WDFY3: variants seen among roughly 807,000 people sequenced by gnomAD.
The protein encoded by WDFY3 is WD repeat and FYVE domain-containing protein 3.
Under a neutral mutation model 409.6 loss-of-function variants are expected in WDFY3, and 66 were observed. The ratio of observed to expected loss-of-function variants is 0.16; its 90% confidence interval spans 0.13 to 0.20. WDFY3 has a LOEUF of 0.20. WDFY3 is among the 10% of genes least tolerant of loss of function. WDFY3 has a pLI of 1.00. For synonymous variants in WDFY3, 1,521 were observed against 1,537.1 expected, an observed-to-expected ratio of 0.99 and a Z score of 0.25; for missense variants, 3,031 against 4,298.1, an observed-to-expected ratio of 0.71 and a Z score of 8.24.
At chr4:84,679,550 GA>G (rs1726967826) in intron 64 of WDFY3, among the ~76,000 whole-genome samples, 1 of 152,104 alleles carries the variant, frequency 6.6e-6, no homozygotes, top group Admixed American at 6.6e-5. Flanking sequence ...GCTGCAGCTA[GA>G]TGGTGTCACT....
At chr4:84,687,955 A>G (rs1427440904) in intron 62 of WDFY3, 131 bp downstream of exon 62, 1 of 982,116 alleles carries the variant, frequency 1.0e-6, no homozygotes, top group African/African-American at 1.6e-5. Context: ...TCCTGGGCTC[A>G]ACTAATCCTC....
chr4:84,961,517 A>C (rs1325586617), intron 1 of WDFY3, among the ~76,000 whole-genome samples: 1 of 152,190 alleles, frequency 6.6e-6, no homozygotes, highest in African/African-American at 2.4e-5. Context: ...TAAGCATTAG[A>C]ATAATTCCCT....
chr4:84,923,776 A>T (rs964839211), intron 2 of WDFY3, among the ~76,000 whole-genome samples: 2 of 152,204 alleles, frequency 1.3e-5, no homozygotes. Flanking sequence ...AGGCAGGTGG[A>T]TCACCTGAGG....
chr4:84,678,373 T>C, intron 65 of WDFY3, 94 bp from the exon 66 acceptor site: 1 of 835,054 alleles, frequency 1.2e-6, no homozygotes, highest in Non-Finnish European at 2.0e-6. Flanking sequence ...AAACTTAGGG[T>C]ACCTCAACAT....
intron 24 of WDFY3, among the ~76,000 whole-genome samples, chr4:84,783,866 C>T (rs1289835658): frequency 6.7e-6 from 1 of 148,644 alleles, no homozygotes; most frequent in Non-Finnish European, 1.5e-5. Flanking sequence ...CATACATACA[C>T]ACACACACAC....
At chr4:84,911,345 G>A (rs1376345545) in intron 2 of WDFY3, among the ~76,000 whole-genome samples, 3 of 152,072 alleles carry the variant, frequency 2.0e-5, no homozygotes, top group Non-Finnish European at 4.4e-5. Flanking sequence ...AATATTAGCT[G>A]AGCATGTGGC....
chr4:84,836,934 C>G lies in WDFY3; in HGVS notation c.571G>C (p.Val191Leu), dbSNP rs367736064. Reference sequence around the variant, plus strand: ...GCAAATAGCACCTTTCATACCTGTACAAAAACTTTCTGGAGTAGTCCTCGA... The same window carrying G: ...GCAAATAGCACCTTTCATACCTGTAGAAAAACTTTCTGGAGTAGTCCTCGA... ...ERRGLLQKVF[V>L]QILVKLCSFV... Residue 191 changes from valine (V) to leucine (L), a missense_variant, in exon 7 of 68, where the codon GTA (valine) becomes CTA (leucine). This residue lies in a region of WDFY3 where 1,322 missense variants were observed against 1,697.9 expected (regional missense o/e 0.78). Transcript: ENST00000295888. 150 of 1,572,418 alleles carry G rather than the reference C, an allele frequency of 9.5e-5. 1 individual carries two copies. Among genetic ancestry groups the G allele is most frequent in the Non-Finnish European group, 1.2e-4 (138 of 1,159,052 alleles).
At chr4:84,909,865 T>A (rs1479704713) in intron 2 of WDFY3, among the ~76,000 whole-genome samples, 1 of 152,212 alleles carries the variant, frequency 6.6e-6, no homozygotes, top group African/African-American at 2.4e-5. Context: ...ATGAATTAAA[T>A]AACCAACAAC....
At chr4:84,860,682 A>C in intron 3 of WDFY3, 60 bp from the exon 4 acceptor site, 1 of 1,348,852 alleles carries the variant, frequency 7.4e-7, no homozygotes, top group South Asian at 1.9e-5. Flanking sequence ...TAGGTCAAGC[A>C]TGCATGTAAG....
In WDFY3 at chr4:84,787,693, A is replaced by G; in HGVS notation, c.3690T>C (p.Thr1230=). Residue 1230 remains threonine, a synonymous_variant, in exon 23 of 68, where the codon ACT becomes ACC. Transcript: ENST00000295888. ...NTVKLHYVHS[T]PGGSGSANPP... ...GATTTGCCGAACCTGAACCCCCTGG[A>G]GTACTGTGGACATAATGAAGCTGTA... is the stretch of plus-strand genomic sequence containing the variant. 2 of 1,613,578 alleles carry G rather than the reference A, an allele frequency of 1.2e-6. No homozygotes were observed. The highest frequency in any genetic ancestry group is 8.5e-7 in the Non-Finnish European group (1 of 1,179,496).
intron 38 of WDFY3, 110 bp downstream of exon 38, chr4:84,741,651 T>C: frequency 8.0e-7 from 1 of 1,254,254 alleles, no homozygotes; most frequent in Non-Finnish European, 1.1e-6. Context: ...AGCTTTTTCT[T>C]AAATGTTAAC....
intron 6 of WDFY3, among the ~76,000 whole-genome samples, chr4:84,840,343 A>C (rs185945887): frequency 3.6e-4 from 55 of 152,324 alleles, no homozygotes; most frequent in South Asian, 1.2e-3. Context: ...TATCCTAAAA[A>C]TGTCAATGTT....
chr4:84,965,794 G>C (rs1010833116), intron 1 of WDFY3: 5 of 152,442 alleles, frequency 3.3e-5, no homozygotes, highest in South Asian at 2.1e-4. Flanking sequence ...CAGCGGGGGG[G>C]GGCCAGGGCC....
intron 10 of WDFY3, 146 bp downstream of exon 10, chr4:84,826,669 A>C (rs955495976): frequency 1.7e-5 from 11 of 665,558 alleles, no homozygotes; most frequent in Non-Finnish European, 2.4e-5. Context: ...AGAAATACTT[A>C]AACCATTAAA....
At position 84,821,483 on chromosome 4, in the gene WDFY3, A is replaced by G. The variant is rs777738894; in HGVS notation, c.1192T>C (p.Phe398Leu). The G allele has an allele frequency of 1.2e-6, 2 of 1,613,868 alleles. No homozygotes were observed. Among genetic ancestry groups the G allele is most frequent in the Non-Finnish European group, 1.7e-6 (2 of 1,179,834 alleles). The stretch of plus-strand genomic sequence containing the variant: ...GCATCAAGGATGATTTGGGCAAGGA[A>G]GCTGGTTTTTGCTTTTAAAAATGCA... ...QNAFLKAKTS[F>L]LAQIILDAIT... Residue 398 changes from phenylalanine (F) to leucine (L), a missense_variant, in exon 11 of 68, where the codon TTC (phenylalanine) becomes CTC (leucine). Phe to Leu is a conservative substitution (Grantham distance 22). This residue lies in a region of WDFY3 where 1,322 missense variants were observed against 1,697.9 expected (regional missense o/e 0.78). Transcript: ENST00000295888.
intron 3 of WDFY3, among the ~76,000 whole-genome samples, chr4:84,861,444 G>A (rs1474470789): frequency 6.6e-6 from 1 of 152,142 alleles, no homozygotes; most frequent in African/African-American, 2.4e-5. Flanking sequence ...GAAGAATAGT[G>A]TATCTTATAG....
intron 4 of WDFY3, among the ~76,000 whole-genome samples, chr4:84,850,241 A>C (rs1338640948): frequency 6.6e-6 from 1 of 152,198 alleles, no homozygotes; most frequent in Non-Finnish European, 1.5e-5. Flanking sequence ...GAAATGATTA[A>C]ATAAATGAAA....
chr4:84,880,674 C>CACACATATATATATATAT (rs1218696740), intron 3 of WDFY3, among the ~76,000 whole-genome samples: 1 of 50,356 alleles, frequency 2.0e-5, no homozygotes, highest in Non-Finnish European at 3.4e-5. Context: ...GGGAACCATA[C>CACACATATATATATATAT]ATATATATAT....
At chr4:84,711,719 C>T (rs937263342) in intron 51 of WDFY3, among the ~76,000 whole-genome samples, 15 of 151,556 alleles carry the variant, frequency 9.9e-5, no homozygotes, top group East Asian at 5.8e-4. Context: ...GGTGTGGTGG[C>T]GCGCACCTGT....
Sources: allele counts gnomAD v4.1 joint callset (sites outside exome capture counted in the v4.1 genomes callset), GRCh38; gene constraint gnomAD v4.1.1; regional missense constraint gnomAD v4.1.1; transcripts MANE v1.5; gene names NCBI Gene and HGNC (gene_info 2026-07-23, HGNC 2026-07-21).